Variants in CALN1 observed in about 807,000 individuals in gnomAD.
CALN1 encodes calcium-binding protein 8.
A neutral mutation model predicts 30.6 loss-of-function variants in CALN1; 17 were observed. The observed-to-expected ratio is 0.56, with a 90% CI of 0.38 to 0.83. CALN1 has a LOEUF of 0.83. Among genes scored for constraint, CALN1 ranks in the 40% least tolerant of loss-of-function variants. The pLI, the probability that CALN1 is intolerant of heterozygous loss-of-function variation, is 0.00. For synonymous variants in CALN1, 156 were observed against 131.4 expected (o/e 1.19, Z -1.28); for missense variants, 291 against 354.9 (o/e 0.82, Z 1.45).
chr7:72,301,936 G>T (rs1427037516), intron 2 of CALN1, among the ~76,000 whole-genome samples: 1 of 151,958 alleles, frequency 6.6e-6, no homozygotes, highest in Non-Finnish European at 1.5e-5. Flanking sequence ...CCGACAAGCA[G>T]GACAGAAAAG....
rs1562878686 is a variant in CALN1 at position 72,317,056 on chromosome 7, G to GAA, written c.120-38247_120-38246insTT. ...AGGAGGGAAGAGAGAGAGAGAAAGA[G>GAA]AGAGAGAGAAAGAGAGACACAGAAA... On this transcript the variant is annotated intron_variant, in intron 2 of 6. Coordinates refer to ENST00000395275, the MANE Select transcript of CALN1 (RefSeq NM_031468.4). Among the ~76,000 whole-genome samples the GAA allele has an allele frequency of 4.1e-4, 56 of 135,232 alleles. 1 individual carries two copies. The highest frequency in any genetic ancestry group is 3.3e-3 in the Admixed American group (44 of 13,262). The allele number at this position is 135,232 out of a possible 152,430, so 88.7% of individuals were successfully genotyped here.
chr7:72,337,457 G>A (rs929129865), intron 2 of CALN1: 20 of 191,170 alleles, frequency 1.0e-4, no homozygotes, highest in Non-Finnish European at 1.5e-4. Context: ...CACATGCACG[G>A]CACACACAGG....
In CALN1 at chr7:72,338,470, AGTGTGTGTGTGTGTGTGTGTGTGTGT is replaced by A. The variant is rs56695086; in HGVS notation, c.120-59686_120-59661del. Among the ~76,000 whole-genome samples the A allele has an allele frequency of 2.9e-4, 22 of 74,800 alleles. No individual in the cohort carries two copies. The South Asian group carries it at 6.5e-3, about 22-fold the overall frequency. The allele number at this position is 74,800 out of a possible 152,430, so 49.1% of individuals were successfully genotyped here. A position where few individuals can be genotyped will look rare whatever the true frequency, so the allele number is the denominator to read the frequency against. On this transcript the variant is annotated intron_variant, in intron 2 of 6. Transcript: ENST00000395275. ...GGGCGTTTTTGTCAGCCAGCAGCACAGTGTGTGTGTGTGTGTGTGTGTGTGTGTGTGTGTGTGTGTGTGTGTGTGTG... is the reference window on the plus strand; with the variant it reads ...GGGCGTTTTTGTCAGCCAGCAGCACAGTGTGTGTGTGTGTGTGTGTGTGTG...
At chr7:71,858,901 G>A (rs1019645820) in intron 5 of CALN1, among the ~76,000 whole-genome samples, 6 of 152,156 alleles carry the variant, frequency 3.9e-5, no homozygotes, top group Non-Finnish European at 7.3e-5. Context: ...CTGAGGCTGT[G>A]TCACGGGCAC....
At chr7:71,886,633 C>T (rs1178437118) in intron 5 of CALN1, among the ~76,000 whole-genome samples, 4 of 152,046 alleles carry the variant, frequency 2.6e-5, no homozygotes, top group East Asian at 3.9e-4. Context: ...ATTAGCCAGG[C>T]TTGGTGGTGG....
the CALN1 span, among the ~76,000 whole-genome samples, chr7:72,456,768 G>A: frequency 6.6e-6 from 1 of 151,906 alleles, no homozygotes; most frequent in Non-Finnish European, 1.5e-5. Flanking sequence ...AGCACCTGAG[G>A]CCAGGAAGTT....
intron 3 of CALN1, among the ~76,000 whole-genome samples, chr7:72,221,864 G>T (rs932165681): frequency 6.6e-6 from 1 of 150,952 alleles, no homozygotes; most frequent in African/African-American, 2.4e-5. Context: ...ACTCCAGCCT[G>T]GGTGACAGAG....
chr7:72,462,886 C>T, the CALN1 span, among the ~76,000 whole-genome samples: 2 of 152,198 alleles, frequency 1.3e-5, no homozygotes, highest in African/African-American at 2.4e-5. Flanking sequence ...AGTCTTCTTC[C>T]CCTCTCTCAA....
At chr7:71,999,472 G>T (rs1297011123) in intron 5 of CALN1, among the ~76,000 whole-genome samples, 1 of 151,880 alleles carries the variant, frequency 6.6e-6, no homozygotes, top group Non-Finnish European at 1.5e-5. Flanking sequence ...CAACCAGCAG[G>T]ATCTAGCTCA....
intron 3 of CALN1, among the ~76,000 whole-genome samples, chr7:72,269,212 T>C (rs1317412126): frequency 6.6e-6 from 1 of 152,156 alleles, no homozygotes; most frequent in African/African-American, 2.4e-5. Context: ...TGAGATTTTA[T>C]TTTATTTTAT....
chr7:72,357,355 C>T (rs377759886), intron 2 of CALN1, among the ~76,000 whole-genome samples: 22 of 151,938 alleles, frequency 1.4e-4, no homozygotes, highest in Admixed American at 2.6e-4. Flanking sequence ...TCAGCTCCAG[C>T]GGAGAGGCCT....
At position 72,040,673 on chromosome 7, in the gene CALN1, G is replaced by A. The variant is rs554187429; in HGVS notation, c.389-16904C>T. On this transcript the variant is annotated intron_variant, in intron 4 of 6. Transcript: ENST00000395275. ...TAATCCATATGCACACATGCGCAGA[G>A]AAAATGTCCAAGTGAGGGCACTGAT... Among the ~76,000 whole-genome samples the A allele has an allele frequency of 4.6e-5, 7 of 152,250 alleles. No individual in the cohort carries two copies. The East Asian group carries it at 1.4e-3, about 29-fold the overall frequency.
At chr7:72,081,751 G>C (rs1251175121) in intron 4 of CALN1, among the ~76,000 whole-genome samples, 1 of 152,012 alleles carries the variant, frequency 6.6e-6, no homozygotes, top group Non-Finnish European at 1.5e-5. Context: ...CTCCTCCCTG[G>C]ACTAGCCAGA....
At chr7:72,004,453 A>G (rs1413483933) in intron 5 of CALN1, among the ~76,000 whole-genome samples, 1 of 152,212 alleles carries the variant, frequency 6.6e-6, no homozygotes, top group Non-Finnish European at 1.5e-5. Flanking sequence ...AAATAGGAGA[A>G]AATCTTCAGT....
At chr7:72,151,931 C>T (rs1349386352) in intron 3 of CALN1, among the ~76,000 whole-genome samples, 3 of 135,098 alleles carry the variant, frequency 2.2e-5, no homozygotes, top group Non-Finnish European at 4.7e-5. Flanking sequence ...TTTTTCAAGA[C>T]AGAATCTCGC....
At chr7:72,463,041 T>C in the CALN1 span, among the ~76,000 whole-genome samples, 1 of 152,250 alleles carries the variant, frequency 6.6e-6, no homozygotes. Context: ...CTCCATGCTG[T>C]GGGGTTAGCT....
rs1792906777 is a variant in CALN1 at position 71,784,939 on chromosome 7, G to A, written c.*2836C>T. ...CATAAAATTTGTGTGAACAGGGCTG[G>A]GAGTTGGCTGCCTGACAAGGAAGGC... On this transcript the variant is annotated 3_prime_UTR_variant, in exon 7 of 7. Transcript: ENST00000395275. The A allele has an allele frequency of 2.5e-6, 1 of 398,408 alleles. No individual in the cohort carries two copies. Among genetic ancestry groups the A allele is most frequent in the Non-Finnish European group, 4.4e-6 (1 of 226,048 alleles). 24.7% of individuals were successfully genotyped at this position (398,408 alleles called of 1,614,324 possible).
At chr7:71,972,731 AC>A (rs1797910328) in intron 5 of CALN1, among the ~76,000 whole-genome samples, 1 of 152,066 alleles carries the variant, frequency 6.6e-6, no homozygotes. Context: ...TGCTTCATTC[AC>A]ACGTGTGCTT....
At chr7:72,288,326 G>A (rs1390418110) in intron 2 of CALN1, among the ~76,000 whole-genome samples, 1 of 152,148 alleles carries the variant, frequency 6.6e-6, no homozygotes, top group Non-Finnish European at 1.5e-5. Context: ...TAGGGCTTCT[G>A]AAGTGTCCTT....
Sources: gnomAD v4.1 joint callset for allele counts (sites outside exome capture counted in the v4.1 genomes callset) on GRCh38, gnomAD v4.1.1 for gene constraint, MANE v1.5 for transcripts, NCBI Gene and HGNC (gene_info 2026-07-23, HGNC 2026-07-21) for gene names.